Variants in ABR observed in about 807,000 individuals in gnomAD.
ABR encodes the protein ABR activator of RhoGEF and GTPase.
Under a neutral mutation model 107.2 loss-of-function variants are expected in ABR, and 35 were observed. That is an observed-to-expected ratio of 0.33 (90% confidence interval 0.25 to 0.43). ABR has a LOEUF of 0.43. ABR is among the 20% of genes least tolerant of loss of function. The pLI is 1.00. For missense variants in ABR, 815 were observed against 1,115.2 expected (o/e 0.73, Z 3.83); for synonymous variants, 498 against 462.0 (o/e 1.08, Z -1.00).
chr17:1,197,452 C>T (rs1475890762), intron 1 of ABR, among the ~76,000 whole-genome samples: 1 of 151,612 alleles, frequency 6.6e-6, no homozygotes, highest in Non-Finnish European at 1.5e-5. Flanking sequence ...ATTCTGAAGC[C>T]TTGAGCTCTA....
chr17:1,057,724 A>C (rs1314412819), intron 12 of ABR: 4 of 485,302 alleles, frequency 8.2e-6, no homozygotes, highest in South Asian at 4.2e-5. Context: ...AGAGGTAGAG[A>C]GAGAGAGAAA....
At chr17:1,223,326 C>T (rs1227001795) in intron 1 of ABR, among the ~76,000 whole-genome samples, 1 of 151,114 alleles carries the variant, frequency 6.6e-6, no homozygotes, top group African/African-American at 2.5e-5. Context: ...CACACACACA[C>T]AGAGACACGA....
intron 16 of ABR, among the ~76,000 whole-genome samples, chr17:1,014,309 C>T (rs923645584): frequency 1.4e-4 from 18 of 131,372 alleles, no homozygotes; most frequent in Admixed American, 5.6e-4. Context: ...GGCGTGGTGG[C>T]GGGCGCCTGT....
At chr17:1,090,191 T>TG (rs1247847825) in intron 4 of ABR, among the ~76,000 whole-genome samples, 1 of 152,196 alleles carries the variant, frequency 6.6e-6, no homozygotes, top group African/African-American at 2.4e-5. Context: ...AGAAAGTGCC[T>TG]GCCCTGGGAA....
chr17:1,150,625 C>T lies in ABR; in HGVS notation c.62-25258G>A, dbSNP rs1249196593. On this transcript the variant is annotated intron_variant, in intron 1 of 22. Coordinates refer to ENST00000302538, the MANE Select transcript of ABR (RefSeq NM_021962.5). The surrounding 1 kb of genome is among the most constrained non-coding windows in gnomAD (Gnocchi z 4.8). ...GTCCACTCCCAGTCCTAGATCTGAG[C>T]TCCTTCCTGGGAGTCCAGGGCCCTT... is the stretch of plus-strand genomic sequence containing the variant. Among the ~76,000 whole-genome samples the T allele has an allele frequency of 1.3e-5, 2 of 152,246 alleles. No individual in the cohort carries two copies. Among genetic ancestry groups the T allele is most frequent in the Non-Finnish European group, 2.9e-5 (2 of 68,036 alleles).
rs1443121840 is a variant in ABR at position 1,010,110 on chromosome 17, C to A, written c.2237-326G>T. 3 of 410,246 alleles carry A rather than the reference C, an allele frequency of 7.3e-6. No homozygotes were observed. Among genetic ancestry groups the A allele is most frequent in the Non-Finnish European group, 1.4e-5 (3 of 221,728 alleles). The allele number at this position is 410,246 out of a possible 1,614,324, so 25.4% of individuals were successfully genotyped here. A position where few individuals can be genotyped will look rare whatever the true frequency, so the allele number is the denominator to read the frequency against. On this transcript the variant is annotated intron_variant, in intron 20 of 22. Transcript: ENST00000302538. This position sits in a 1 kb window ranked among gnomAD's most constrained non-coding sequence, Gnocchi z 4.1. ...CCTGGTCTGTGTGGCTAAGGTTAAG[C>A]CAGTAGGGACATATCCTGCCAGCGG... is the stretch of plus-strand genomic sequence containing the variant.
At chr17:1,019,640 G>A (rs2071465242) in intron 16 of ABR, among the ~76,000 whole-genome samples, 1 of 152,266 alleles carries the variant, frequency 6.6e-6, no homozygotes, top group Non-Finnish European at 1.5e-5. Context: ...AGAGGAGGGA[G>A]GGAGAGGCAC....
rs1265612101 is a variant in ABR at position 1,027,261 on chromosome 17, T to C, written c.1792-14097A>G. ...AGCACCGCTGGCTGGCCAAGCCGTC[T>C]GTGGCCTGCAGGGAGGCCGGGGAGG... On this transcript the variant is annotated intron_variant, in intron 16 of 22. Transcript: ENST00000302538. This position sits in a 1 kb window ranked among gnomAD's most constrained non-coding sequence, Gnocchi z 4.7. Among the ~76,000 whole-genome samples, 1 of 152,236 alleles carries C rather than the reference T, an allele frequency of 6.6e-6. No individual in the cohort carries two copies. Among genetic ancestry groups the C allele is most frequent in the African/African-American group, 2.4e-5 (1 of 41,460 alleles).
At chr17:1,031,947 T>C in intron 16 of ABR, 1 of 908,942 alleles carries the variant, frequency 1.1e-6, no homozygotes, top group East Asian at 3.6e-5. Flanking sequence ...TTCCCCGCCC[T>C]CCGCGAGGCT....
intron 1 of ABR, among the ~76,000 whole-genome samples, chr17:1,133,859 C>G (rs1272891644): frequency 1.3e-5 from 2 of 152,164 alleles, no homozygotes; most frequent in African/African-American, 4.8e-5. Flanking sequence ...CACTGAGACC[C>G]AAGTGAAGCA....
At chr17:1,181,134 C>A (rs535695020), upstream of ABR, among the ~76,000 whole-genome samples, 24 of 152,222 alleles carry the variant, frequency 1.6e-4, no homozygotes, top group Non-Finnish European at 2.9e-4. Flanking sequence ...CTGGCCTTTG[C>A]CGGGGGCAGT....
intron 1 of ABR, among the ~76,000 whole-genome samples, chr17:1,178,293 T>C (rs1042018904): frequency 2.0e-5 from 3 of 151,696 alleles, no homozygotes; most frequent in Non-Finnish European, 4.4e-5. Flanking sequence ...AATGCCCTTG[T>C]TGGCTCACGC....
At chr17:1,153,984 C>T (rs2040936355) in intron 1 of ABR, 2 of 167,562 alleles carry the variant, frequency 1.2e-5, no homozygotes, top group South Asian at 1.3e-4. Context: ...TTCTCGGCAG[C>T]GAGCAGCTCC....
At chr17:1,149,989 G>A (rs552093112) in intron 1 of ABR, among the ~76,000 whole-genome samples, 265 of 152,324 alleles carry the variant, frequency 1.7e-3, no homozygotes, top group African/African-American at 6.1e-3. Context: ...GAAGTTCTAA[G>A]AACAGGGCCT....
At chr17:1,046,988 G>C (rs1164218188) in intron 16 of ABR, among the ~76,000 whole-genome samples, 2 of 152,122 alleles carry the variant, frequency 1.3e-5, no homozygotes, top group Non-Finnish European at 2.9e-5. Context: ...ACCCCACCCC[G>C]CCGCTGAGAC....
At chr17:1,167,885 G>A (rs1183931113) in intron 1 of ABR, among the ~76,000 whole-genome samples, 1 of 152,196 alleles carries the variant, frequency 6.6e-6, no homozygotes. Context: ...CGGGCGGGTC[G>A]CTCACGCCTG....
At chr17:1,225,291 C>T (rs1022684439) in intron 1 of ABR, among the ~76,000 whole-genome samples, 11 of 152,126 alleles carry the variant, frequency 7.2e-5, no homozygotes, top group African/African-American at 2.2e-4. Flanking sequence ...AGCCATTGTA[C>T]CAGCCACATG....
chr17:1,021,538 G>C (rs866217432), intron 16 of ABR, among the ~76,000 whole-genome samples: 2 of 152,260 alleles, frequency 1.3e-5, no homozygotes, highest in South Asian at 2.1e-4. Context: ...AGGTGCGGTG[G>C]CTCACGCCTG....
intron 2 of ABR, among the ~76,000 whole-genome samples, chr17:1,121,165 G>A (rs1306183286): frequency 6.6e-6 from 1 of 152,194 alleles, no homozygotes; most frequent in Non-Finnish European, 1.5e-5. Context: ...ATACCTCTGT[G>A]GGATCCATGT....
Sources: allele counts gnomAD v4.1 joint callset (sites outside exome capture counted in the v4.1 genomes callset), GRCh38; gene constraint gnomAD v4.1.1; non-coding constraint Gnocchi (gnomAD v3.1); transcripts MANE v1.5; gene names NCBI Gene and HGNC (gene_info 2026-07-23, HGNC 2026-07-21).